SLC25A14: variants seen among roughly 807,000 people sequenced by gnomAD.
The protein encoded by SLC25A14 is brain mitochondrial carrier protein 1.
Under a neutral mutation model 28.1 loss-of-function variants are expected in SLC25A14, and 8 were observed. The ratio of observed to expected loss-of-function variants is 0.28; its 90% CI spans 0.17 to 0.51. The LOEUF (loss-of-function observed/expected upper bound fraction) is 0.51. Among genes scored for constraint, SLC25A14 ranks in the 20% least tolerant of loss-of-function variants. The pLI is 0.97. For synonymous variants in SLC25A14, 74 were observed against 90.6 expected (o/e 0.82, Z 1.04); for missense variants, 135 against 263.8 (o/e 0.51, Z 3.38).
chrX:130,349,478 C>T, intron 5 of SLC25A14, 133 bp downstream of exon 5: 1 of 387,811 alleles, frequency 2.6e-6, no homozygotes, highest in East Asian at 4.2e-5. Context: ...CTTGTTCTAA[C>T]TTGGAATAAA....
chrX:130,341,574 C>G (rs929088382), intron 2 of SLC25A14, among the ~76,000 whole-genome samples: 1 of 111,666 alleles, frequency 9.0e-6, no homozygotes, highest in Non-Finnish European at 1.9e-5. Context: ...AGTTTCCTGA[C>G]CAGATCTTGG....
intron 3 of SLC25A14, among the ~76,000 whole-genome samples, chrX:130,345,943 TC>T (rs1259886696): frequency 9.0e-6 from 1 of 110,768 alleles, no homozygotes; most frequent in Non-Finnish European, 1.9e-5. Context: ...TAAAGAAATT[TC>T]CCCCCCAAAC....
intron 10 of SLC25A14, among the ~76,000 whole-genome samples, chrX:130,372,467 T>A (rs59646405): frequency 0.089 from 4,701 of 52,611 alleles, 322 homozygotes; most frequent in African/African-American, 0.21. Context: ...TTATTTATTT[T>A]TATTTTTTTT....
intron 9 of SLC25A14, among the ~76,000 whole-genome samples, chrX:130,368,338 G>A (rs1300566547): frequency 2.7e-5 from 3 of 112,081 alleles, no homozygotes; most frequent in Non-Finnish European, 5.6e-5. Context: ...GAATATGTTT[G>A]ATTATTCATT....
At chrX:130,364,578 ATCAC>A (rs2034067919) in intron 7 of SLC25A14, 46 bp from the exon 8 acceptor site, 2 of 1,030,049 alleles carry the variant, frequency 1.9e-6, no homozygotes, top group African/African-American at 3.7e-5. Flanking sequence ...ACTCTAAGAC[ATCAC>A]TCCCTTTGTA....
chrX:130,357,564 G>C (rs1161677084), intron 6 of SLC25A14, among the ~76,000 whole-genome samples: 1 of 112,089 alleles, frequency 8.9e-6, no homozygotes, highest in African/African-American at 3.2e-5. Context: ...GTTGTATCTT[G>C]ATTTAATGGG....
At chrX:130,368,312 A>C (rs988306887) in intron 9 of SLC25A14, among the ~76,000 whole-genome samples, 1 of 112,377 alleles carries the variant, frequency 8.9e-6, no homozygotes, top group Non-Finnish European at 1.9e-5. Context: ...GCAAAAGCCA[A>C]TTGCTGTGCA....
intron 3 of SLC25A14, 90 bp downstream of exon 3, chrX:130,345,365 A>C (rs1164560067): frequency 1.7e-6 from 1 of 575,783 alleles, no homozygotes; most frequent in Non-Finnish European, 2.9e-6. Context: ...TAGGTAAAAA[A>C]TAAGAAGCTC....
At chrX:130,342,433 A>G (rs734684) in intron 2 of SLC25A14, among the ~76,000 whole-genome samples, 53,519 of 110,389 alleles carry the variant, frequency 0.48, 9,590 homozygotes, top group African/African-American at 0.57. Flanking sequence ...TATTTAGCTC[A>G]AGAAACATGA....
intron 6 of SLC25A14, among the ~76,000 whole-genome samples, chrX:130,357,832 T>C (rs1179311759): frequency 1.8e-5 from 2 of 112,248 alleles, no homozygotes; most frequent in Non-Finnish European, 3.8e-5. Context: ...TCTTTCCTTC[T>C]TGCAGCTCTC....
Position 130,373,138 on chromosome X carries a change from C to T in SLC25A14, c.*188C>T. Reference sequence around the variant, plus strand: ...TGTTTGTGTTACCATGTTAACTTTTCCCCGAGAGAAAGTGTTAACATTGAG... The same window carrying T: ...TGTTTGTGTTACCATGTTAACTTTTTCCCGAGAGAAAGTGTTAACATTGAG... On this transcript the variant is annotated 3_prime_UTR_variant, in exon 11 of 11. Coordinates refer to ENST00000545805, the MANE Select transcript of SLC25A14 (RefSeq NM_001282195.2). The T allele has an allele frequency of 2.6e-6, 1 of 390,008 alleles. No individual in the cohort carries two copies. Among genetic ancestry groups the T allele is most frequent in the Non-Finnish European group, 4.4e-6 (1 of 226,689 alleles). The allele number at this position is 390,008 out of a possible 1,213,427, so 32.1% of individuals were successfully genotyped here.
intron 6 of SLC25A14, among the ~76,000 whole-genome samples, chrX:130,356,859 T>A (rs1170596534): frequency 1.8e-5 from 2 of 111,843 alleles, no homozygotes; most frequent in Admixed American, 1.9e-4. Flanking sequence ...CTTTGTCCTT[T>A]CCCCACCATT....
chrX:130,344,735 T>G (rs1477725889), intron 2 of SLC25A14, among the ~76,000 whole-genome samples: 1 of 111,667 alleles, frequency 9.0e-6, no homozygotes, highest in Non-Finnish European at 1.9e-5. Flanking sequence ...GAGAGAGTAG[T>G]AGTGTGAGCC....
chrX:130,343,307 G>A (rs1048653907), intron 2 of SLC25A14, among the ~76,000 whole-genome samples: 4 of 111,998 alleles, frequency 3.6e-5, no homozygotes, highest in African/African-American at 1.3e-4. Context: ...CACCATATGT[G>A]TCATATTTTA....
intron 6 of SLC25A14, among the ~76,000 whole-genome samples, chrX:130,355,926 ATCT>A (rs1415503957): frequency 9.0e-6 from 1 of 111,495 alleles, no homozygotes; most frequent in Non-Finnish European, 1.9e-5. Context: ...ATTTCTCTAA[ATCT>A]TCTCTCTCTG....
intron 9 of SLC25A14, among the ~76,000 whole-genome samples, chrX:130,371,082 T>A (rs1234356521): frequency 8.9e-6 from 1 of 111,944 alleles, no homozygotes; most frequent in Non-Finnish European, 1.9e-5. Context: ...TAGTCCTCTC[T>A]TCATGATATA....
chrX:130,340,932 A>G (rs1347313897), intron 2 of SLC25A14, among the ~76,000 whole-genome samples: 1 of 108,210 alleles, frequency 9.2e-6, no homozygotes, highest in Non-Finnish European at 1.9e-5. Flanking sequence ...GCTCCTTATC[A>G]CACTTCTTGT....
intron 6 of SLC25A14, among the ~76,000 whole-genome samples, chrX:130,351,543 T>C (rs1406469973): frequency 1.8e-5 from 2 of 112,005 alleles, no homozygotes; most frequent in Admixed American, 1.9e-4. Context: ...TTTCATAAAA[T>C]GGTAAATATT....
chrX:130,359,791 T>C (rs775188676), intron 7 of SLC25A14, among the ~76,000 whole-genome samples: 1 of 111,394 alleles, frequency 9.0e-6, no homozygotes, highest in African/African-American at 3.3e-5. Flanking sequence ...ATTTGATGGC[T>C]GTTAAAGTTT....
Sources: gnomAD v4.1 joint callset for allele counts (sites outside exome capture counted in the v4.1 genomes callset) on GRCh38, gnomAD v4.1.1 for gene constraint, MANE v1.5 for transcripts, NCBI Gene and HGNC (gene_info 2026-07-23, HGNC 2026-07-21) for gene names.